GIPC1: variants seen among roughly 807,000 people sequenced by gnomAD.
GIPC1 encodes PDZ domain-containing protein GIPC1.
Under a neutral mutation model 28.5 loss-of-function variants are expected in GIPC1, and 15 were observed. The observed-to-expected ratio is 0.53, with a 90% CI of 0.35 to 0.81. GIPC1 has a LOEUF of 0.81. Ranked by LOEUF, GIPC1 falls within the 30% of genes least tolerant of loss-of-function variation. GIPC1 has a pLI of 0.01. For missense variants in GIPC1, 439 were observed against 481.9 expected, an observed-to-expected ratio of 0.91 and a Z score of 0.83; for synonymous variants, 224 against 206.1, an observed-to-expected ratio of 1.09 and a Z score of -0.74.
At chr19:14,488,632 T>G (rs2071897282) in intron 3 of GIPC1, among the ~76,000 whole-genome samples, 2 of 150,898 alleles carry the variant, frequency 1.3e-5, no homozygotes, top group South Asian at 4.2e-4. Flanking sequence ...CATGCAAACC[T>G]CATCTCTACT....
chr19:14,482,632 G>C, intron 4 of GIPC1, 57 bp downstream of exon 4: 1 of 1,534,554 alleles, frequency 6.5e-7, no homozygotes, highest in East Asian at 2.3e-5. Context: ...ACAGGATGCA[G>C]GCCCAGACCT....
At chr19:14,493,132 G>A (rs1355587148) in intron 1 of GIPC1, among the ~76,000 whole-genome samples, 1 of 152,166 alleles carries the variant, frequency 6.6e-6, no homozygotes, top group African/African-American at 2.4e-5. Context: ...AAGCCTCCCA[G>A]GCTTGCCCCA....
chr19:14,494,608 G>A (rs997368256), intron 1 of GIPC1, among the ~76,000 whole-genome samples: 2 of 152,174 alleles, frequency 1.3e-5, no homozygotes, highest in Non-Finnish European at 2.9e-5. Context: ...TCTGTGCCAA[G>A]AACAGTGCCT....
chr19:14,480,534 G>A (rs762072169), intron 5 of GIPC1, 49 bp from the exon 6 acceptor site: 9 of 1,603,674 alleles, frequency 5.6e-6, no homozygotes, highest in African/African-American at 1.3e-5. Context: ...CCTGGTTTCC[G>A]GGGTCCCATG....
chr19:14,480,461 C>T lies in GIPC1; in HGVS notation c.499G>A (p.Asp167Asn), dbSNP rs1329844505. ...CCCACGCTGATGAGGTGGATGTGGT[C>T]GATCACGCTGCCCTCCTTGATGCGC... ...IKRIKEGSVI[D>N]HIHLISVGDM... is the part of the protein sequence containing the mutation. Residue 167 changes from aspartate to asparagine, a missense_variant, in exon 6 of 9, where the codon GAC becomes AAC. By Grantham distance (23) the Asp-to-Asn change is conservative (BLOSUM62 1). Coordinates refer to ENST00000393033, the MANE Select transcript of GIPC1 (RefSeq NM_005716.4). 2.5e-6 allele frequency: 4 copies of T among 1,613,030 alleles called. No individual in the cohort carries two copies. The highest frequency in any genetic ancestry group is 2.5e-6 in the Non-Finnish European group (3 of 1,179,378).
intron 3 of GIPC1, among the ~76,000 whole-genome samples, chr19:14,486,648 C>A (rs2059529385): frequency 6.6e-6 from 1 of 151,618 alleles, no homozygotes; most frequent in Non-Finnish European, 1.5e-5. Context: ...GCCACTAAGA[C>A]TTTTGGGGTT....
In GIPC1 at chr19:14,485,237, G is replaced by A. The variant is rs1053785338; in HGVS notation, c.-30-2231C>T. ...CTGTCCCCAGGCTGGAGTGCAGTGG[G>A]GTGATCACGATAATGGCTCACTGCA... On this transcript the variant is annotated intron_variant, in intron 3 of 8. Transcript: ENST00000393033. Among the ~76,000 whole-genome samples, 6 of 151,914 alleles carry A rather than the reference G, an allele frequency of 3.9e-5. No individual in the cohort carries two copies. In the East Asian group the frequency reaches 7.8e-4, roughly 20 times the overall value.
chr19:14,482,370 C>T (rs1248931742), intron 4 of GIPC1: 5 of 474,826 alleles, frequency 1.1e-5, no homozygotes, highest in Non-Finnish European at 1.9e-5. Flanking sequence ...GTACACCCCT[C>T]CTAATGCCTG....
intron 1 of GIPC1, 115 bp downstream of exon 1, chr19:14,495,922 C>T (rs10408314): frequency 0.22 from 33,822 of 153,212 alleles, 4,190 homozygotes; most frequent in African/African-American, 0.32. Context: ...GCAGCCTAGA[C>T]CTCCAGTCGC....
chr19:14,492,602 G>A (rs536916469), intron 2 of GIPC1, among the ~76,000 whole-genome samples: 4 of 152,172 alleles, frequency 2.6e-5, no homozygotes, highest in East Asian at 1.9e-4. Flanking sequence ...CACTGCACCC[G>A]GCCTTGCTAC....
At chr19:14,488,100 T>C (rs118093368) in intron 3 of GIPC1, among the ~76,000 whole-genome samples, 2,484 of 152,254 alleles carry the variant, frequency 0.016, 35 homozygotes, top group East Asian at 0.073. Flanking sequence ...GGAGGAAGCA[T>C]TCATGCAATG....
At chr19:14,486,447 C>T (rs1238826195) in intron 3 of GIPC1, among the ~76,000 whole-genome samples, 1 of 152,066 alleles carries the variant, frequency 6.6e-6, no homozygotes, top group African/African-American at 2.4e-5. Context: ...TGGCACATGA[C>T]ATTTCTGGGC....
At chr19:14,483,105 CA>C (rs2071768224) in intron 3 of GIPC1, 99 bp from the exon 4 acceptor site, 1 of 772,996 alleles carries the variant, frequency 1.3e-6, no homozygotes, top group African/African-American at 1.8e-5. Flanking sequence ...ACTCAGAGAA[CA>C]AATTGGCCTC....
At position 14,478,780 on chromosome 19, in the gene GIPC1, G is replaced by T; in HGVS notation, c.769-15C>A. On this transcript the variant is annotated splice_polypyrimidine_tract_variant and intron_variant, in intron 7 of 8. Coordinates refer to ENST00000393033, the MANE Select transcript of GIPC1 (RefSeq NM_005716.4). The surrounding 1 kb of genome is among the most constrained non-coding windows in gnomAD (Gnocchi z 5.2). ...AAGGCAGAGGGCTGGGGGCCAGGGA[G>T]GGGTGACAGCGACATCATAACAATG... 1 of 1,587,586 alleles carries T rather than the reference G, an allele frequency of 6.3e-7. No homozygotes were observed. Among genetic ancestry groups the T allele is most frequent in the Non-Finnish European group, 8.7e-7 (1 of 1,156,012 alleles).
intron 6 of GIPC1, chr19:14,479,991 G>A (rs10406225): frequency 0.017 from 8,860 of 525,106 alleles, 652 homozygotes; most frequent in African/African-American, 0.16. Context: ...AAAGTGGGGG[G>A]GCTGGCACTG....
At chr19:14,490,441 G>A (rs1452653908) in intron 3 of GIPC1, among the ~76,000 whole-genome samples, 1 of 150,182 alleles carries the variant, frequency 6.7e-6, no homozygotes, top group Non-Finnish European at 1.5e-5. Context: ...ACTTTGGGAG[G>A]CAGAGGCAGG....
At chr19:14,488,766 C>T (rs2071899755) in intron 3 of GIPC1, among the ~76,000 whole-genome samples, 1 of 145,516 alleles carries the variant, frequency 6.9e-6, no homozygotes, top group African/African-American at 2.6e-5. Flanking sequence ...GAGCGAGACT[C>T]GGTCTAAACA....
chr19:14,493,832 T>C (rs2072021059), intron 1 of GIPC1, among the ~76,000 whole-genome samples: 1 of 151,102 alleles, frequency 6.6e-6, no homozygotes, highest in African/African-American at 2.4e-5. Context: ...CAGCTTATTT[T>C]ATATTTTTAG....
At position 14,478,423 on chromosome 19, in the gene GIPC1, C is replaced by T. The variant is rs376294169; in HGVS notation, c.995G>A (p.Arg332His). The T allele has an allele frequency of 1.2e-5, 20 of 1,607,502 alleles. No homozygotes were observed. The highest frequency in any genetic ancestry group is 4.4e-5 in the South Asian group (4 of 90,032). ...CAGGGTCCGGGGGCAGTCCTAGTAG[C>T]GGCCGACCTTGGCGTCCCCAATGGC... is the stretch of plus-strand genomic sequence containing the variant. The part of the protein sequence containing the change: ...WGAIGDAKVG[R>H]Y Residue 332 changes from arginine to histidine, a missense_variant, in exon 9 of 9, where the codon CGC (arginine) becomes CAC (histidine). Arg to His is a conservative substitution (Grantham distance 29). Transcript: ENST00000393033. The surrounding 1 kb of genome is among the most constrained non-coding windows in gnomAD (Gnocchi z 5.2).
Sources: allele counts gnomAD v4.1 joint callset (sites outside exome capture counted in the v4.1 genomes callset), GRCh38; gene constraint gnomAD v4.1.1; non-coding constraint Gnocchi (gnomAD v3.1); transcripts MANE v1.5; gene names NCBI Gene and HGNC (gene_info 2026-07-23, HGNC 2026-07-21).